TSPAN1: variants seen among roughly 807,000 people sequenced by gnomAD.
TSPAN1 encodes tetraspanin-1.
In TSPAN1, 23 loss-of-function variants were observed where a neutral mutation model predicts 26.9. That is an observed-to-expected ratio of 0.85 (90% CI 0.62 to 1.21). The LOEUF is 1.21. TSPAN1 is among the 50% of genes most tolerant of loss of function. TSPAN1 has a pLI of 0.00. For synonymous variants in TSPAN1, 115 were observed against 114.8 expected, an observed-to-expected ratio of 1.00 and a Z score of -0.01; for missense variants, 283 against 298.4, an observed-to-expected ratio of 0.95 and a Z score of 0.38.
At chr1:46,189,046 C>G, downstream of TSPAN1, 4 of 1,542,936 alleles carry the variant, frequency 2.6e-6, no homozygotes, top group Non-Finnish European at 3.5e-6. Flanking sequence ...CCCAGGTACT[C>G]TCCTGCCCTT....
chr1:46,191,779 C>A, the TSPAN1 span: 128,669 of 358,096 alleles, frequency 0.36, 23,887 homozygotes, highest in South Asian at 0.45. Flanking sequence ...GGACTACAGG[C>A]GCCCATCACC....
chr1:46,195,975 C>T, the TSPAN1 span: 1 of 1,614,154 alleles, frequency 6.2e-7, no homozygotes, highest in Non-Finnish European at 8.5e-7. Flanking sequence ...AAGAGCCCAG[C>T]TCCAGCCCTC....
chr1:46,178,770 T>C (rs1240139570), intron 1 of TSPAN1, among the ~76,000 whole-genome samples: 1 of 152,152 alleles, frequency 6.6e-6, no homozygotes, highest in Non-Finnish European at 1.5e-5. Context: ...CTAACTGGGA[T>C]TGAATCCTGG....
In TSPAN1 at chr1:46,185,120, G is replaced by C. The variant is rs1385703531; in HGVS notation, c.594+5G>C. The stretch of plus-strand genomic sequence containing the variant: ...GCTCACGACCAAAAAGTAGAGGTGT[G>C]GGCTGGCATGAGTGGGTGGGGACTG... On this transcript the variant is annotated splice_donor_5th_base_variant and intron_variant, in intron 7 of 8. Transcript: ENST00000372003. 4 of 1,614,208 alleles carry C rather than the reference G, an allele frequency of 2.5e-6. No homozygotes were observed. The South Asian group carries it at 4.4e-5, about 18-fold the overall frequency.
At chr1:46,181,005 G>T in intron 2 of TSPAN1, 95 bp from the exon 3 acceptor site, 3 of 1,023,380 alleles carry the variant, frequency 2.9e-6, no homozygotes, top group Non-Finnish European at 4.5e-6. Flanking sequence ...CAGGATCCTG[G>T]GGTCTGGCAT....
chr1:46,183,960 C>A, intron 3 of TSPAN1: 1 of 582,474 alleles, frequency 1.7e-6, no homozygotes. Flanking sequence ...ATTTCTAGAA[C>A]CCCTGATCTC....
At chr1:46,196,009 C>T in the TSPAN1 span, 1 of 1,614,090 alleles carries the variant, frequency 6.2e-7, no homozygotes, top group East Asian at 2.2e-5. This position sits in a 1 kb window ranked among gnomAD's most constrained non-coding sequence, Gnocchi z 4.4. Flanking sequence ...CCTAGAAACT[C>T]ACCGTGGCCT....
downstream of TSPAN1, chr1:46,189,866 G>A (rs755936993): frequency 2.0e-5 from 32 of 1,613,770 alleles, no homozygotes; most frequent in Non-Finnish European, 2.7e-5. Flanking sequence ...TGGCAAGCTG[G>A]GTCCAGGTGG....
At chr1:46,192,946 C>A in the TSPAN1 span, 1 of 1,614,208 alleles carries the variant, frequency 6.2e-7, no homozygotes, top group Admixed American at 1.7e-5. Context: ...AGAACCACAG[C>A]AAACTTGGCC....
chr1:46,190,099 T>C, downstream of TSPAN1: 1 of 534,444 alleles, frequency 1.9e-6, no homozygotes, highest in Admixed American at 5.2e-5. Flanking sequence ...TTGAAGTTCT[T>C]TTTTTTTTTT....
At chr1:46,192,127 C>T in the TSPAN1 span, 800 of 1,614,108 alleles carry the variant, frequency 5.0e-4, 3 homozygotes, top group African/African-American at 8.3e-3. Context: ...TTGAGGCCGA[C>T]GATGCCAAAG....
downstream of TSPAN1, chr1:46,190,187 G>A: frequency 2.9e-6 from 2 of 699,526 alleles, no homozygotes; most frequent in Non-Finnish European, 4.6e-6. Context: ...TGGGACTACA[G>A]GCGCCTGCCA....
At chr1:46,183,029 G>A (rs541745551) in intron 3 of TSPAN1, among the ~76,000 whole-genome samples, 1 of 152,178 alleles carries the variant, frequency 6.6e-6, no homozygotes, top group Admixed American at 6.5e-5. Flanking sequence ...TGCCCAGGCT[G>A]GTCTCGAACT....
rs149302587 is a variant in TSPAN1, at chr1:46,185,273, G to C, written c.643G>C (p.Val215Leu). 6.2e-7 allele frequency: 1 copy of C among 1,614,160 alleles called. No homozygotes were observed. Among genetic ancestry groups the C allele is most frequent in the East Asian group, 2.2e-5 (1 of 44,888 alleles). Reference sequence around the variant, plus strand: ...TGACATCCGAACTAATGCAGTCACCGTGGGTGGTGTGGCAGCTGGAATTGG... The same window carrying C: ...TGACATCCGAACTAATGCAGTCACCCTGGGTGGTGTGGCAGCTGGAATTGG... ...LYDIRTNAVTVGGVAAGIGGL... is the reference protein window; with the variant it reads ...LYDIRTNAVTLGGVAAGIGGL... The change falls in exon 8 of 9, where the codon GTG (valine) becomes CTG (leucine). Residue 215 changes from valine to leucine, a missense_variant. By Grantham distance (32) the Val-to-Leu change is conservative. Transcript: ENST00000372003.
At position 46,185,210 on chromosome 1, in the gene TSPAN1, TTTCTC is replaced by T. The variant is rs1470560262; in HGVS notation, c.595-11_595-7del. The T allele has an allele frequency of 6.2e-7, 1 of 1,614,170 alleles. No individual in the cohort carries two copies. The highest frequency in any genetic ancestry group is 8.5e-7 in the Non-Finnish European group (1 of 1,180,022). The stretch of plus-strand genomic sequence containing the variant: ...GGCAGCTGCCAACTATAAATGCTCT[TTTCTC>T]TTCCTGAAGGGTTGCTTCAATCAGC... On this transcript the variant is annotated splice_polypyrimidine_tract_variant and intron_variant, in intron 7 of 8. Transcript: ENST00000372003.
At chr1:46,189,316 G>A (rs758707834), downstream of TSPAN1, 12 of 1,613,748 alleles carry the variant, frequency 7.4e-6, no homozygotes, top group Middle Eastern at 1.7e-4. Flanking sequence ...CTTTGGGGGT[G>A]GCTCCAGGAA....
downstream of TSPAN1, chr1:46,188,779 A>G (rs1481320309): frequency 1.9e-6 from 3 of 1,612,906 alleles, no homozygotes; most frequent in Non-Finnish European, 2.5e-6. Context: ...TCCAGTGTCT[A>G]AGGGTCTCTG....
chr1:46,194,130 C>A, the TSPAN1 span: 1 of 1,546,940 alleles, frequency 6.5e-7, no homozygotes, highest in South Asian at 1.2e-5. Context: ...TTCACCCCAG[C>A]CCTGTCTTTC....
At chr1:46,192,893 C>G in the TSPAN1 span, 2 of 1,614,004 alleles carry the variant, frequency 1.2e-6, no homozygotes. Flanking sequence ...CTAGAGACTC[C>G]CCTCACCTGA....
Sources: gnomAD v4.1 joint callset for allele counts (sites outside exome capture counted in the v4.1 genomes callset) on GRCh38, gnomAD v4.1.1 for gene constraint, Gnocchi (gnomAD v3.1) non-coding constraint, MANE v1.5 for transcripts, NCBI Gene and HGNC (gene_info 2026-07-23, HGNC 2026-07-21) for gene names.